INPP4B: variants seen among roughly 807,000 people sequenced by gnomAD.
INPP4B encodes inositol polyphosphate 4-phosphatase type II.
A neutral mutation model predicts 122.5 loss-of-function variants in INPP4B; 55 were observed. That is an observed-to-expected ratio of 0.45 (90% CI 0.36 to 0.56). The LOEUF is 0.56. INPP4B is among the 20% of genes least tolerant of loss of function. INPP4B has a pLI of 0.00. For synonymous variants in INPP4B, 403 were observed against 388.7 expected (o/e 1.04, Z -0.43); for missense variants, 1,000 against 1,097.7 (o/e 0.91, Z 1.26).
chr4:142,244,803 C>A (rs1221353892), intron 11 of INPP4B, among the ~76,000 whole-genome samples: 1 of 152,176 alleles, frequency 6.6e-6, no homozygotes, highest in Non-Finnish European at 1.5e-5. Context: ...GGAATCTCCA[C>A]ACTGTCTTCT....
intron 18 of INPP4B, among the ~76,000 whole-genome samples, chr4:142,144,620 G>C (rs1364382834): frequency 6.6e-6 from 1 of 151,954 alleles, no homozygotes; most frequent in East Asian, 1.9e-4. Context: ...TGTTAAAAAA[G>C]AAAATCCCTA....
intron 1 of INPP4B, among the ~76,000 whole-genome samples, chr4:142,796,755 G>A (rs1292764168): frequency 1.3e-5 from 2 of 151,930 alleles, no homozygotes; most frequent in Non-Finnish European, 1.5e-5. Flanking sequence ...CAGCCTTAGA[G>A]GAAGGTTTCT....
chr4:142,208,938 T>C lies in INPP4B; in HGVS notation c.925A>G (p.Asn309Asp). ...NVLTHCDQMVNMYQDILTELS... is the reference protein window; with the variant it reads ...NVLTHCDQMVDMYQDILTELS... ...TCTGTCAGAATGTCTTGGTACATAT[T>C]CACCATTTGATCACAGTGAGTAAGG... Residue 309 changes from asparagine to aspartate, a missense_variant, in exon 13 of 26, where the codon AAT becomes GAT. Coordinates refer to ENST00000262992, the MANE Select transcript of INPP4B (RefSeq NM_001101669.3). 1.2e-6 allele frequency: 2 copies of C among 1,601,900 alleles called. No homozygotes were observed. The highest frequency in any genetic ancestry group is 1.7e-6 in the Non-Finnish European group (2 of 1,172,330).
chr4:142,722,125 A>T (rs1764769853), intron 2 of INPP4B, among the ~76,000 whole-genome samples: 1 of 152,196 alleles, frequency 6.6e-6, no homozygotes, highest in Admixed American at 6.5e-5. Context: ...ACACACATAT[A>T]CATATGTATA....
chr4:142,400,440 T>A (rs1430081759), intron 7 of INPP4B, among the ~76,000 whole-genome samples: 2 of 152,212 alleles, frequency 1.3e-5, no homozygotes, highest in African/African-American at 4.8e-5. Context: ...TATATTTAGG[T>A]TAAGTGCTTA....
intron 4 of INPP4B, 44 bp from the exon 5 acceptor site, chr4:142,429,261 T>C: frequency 1.0e-6 from 1 of 982,188 alleles, no homozygotes; most frequent in Non-Finnish European, 1.6e-6. Context: ...AAAATTGAAT[T>C]ATCAAGAATA....
At chr4:142,321,714 T>C (rs1050458184) in intron 7 of INPP4B, among the ~76,000 whole-genome samples, 1 of 152,152 alleles carries the variant, frequency 6.6e-6, no homozygotes, top group African/African-American at 2.4e-5. Context: ...GTTTCCCTAC[T>C]TTTGCCTGCT....
intron 3 of INPP4B, among the ~76,000 whole-genome samples, chr4:142,445,495 T>A (rs192791098): frequency 2.7e-4 from 41 of 152,296 alleles, no homozygotes; most frequent in Admixed American, 2.1e-3. Context: ...TATAAAATGG[T>A]TAATTCATCA....
chr4:142,207,737 TA>T (rs1460865151), intron 14 of INPP4B, among the ~76,000 whole-genome samples: 1 of 152,156 alleles, frequency 6.6e-6, no homozygotes, highest in African/African-American at 2.4e-5. Context: ...ATAGTCATCC[TA>T]AATTTGCATA....
At chr4:142,544,119 GGTGTGTGTGTGGTGTGT>G (rs201954214) in intron 2 of INPP4B, among the ~76,000 whole-genome samples, 941 of 5,034 alleles carry the variant, frequency 0.19, 8 homozygotes, top group South Asian at 0.47. Flanking sequence ...AATACTGCAT[GGTGTGTGTGTGGTGTGT>G]GTGTGTGTGT....
chr4:142,303,543 A>T (rs2151160735), intron 9 of INPP4B, among the ~76,000 whole-genome samples: 1 of 152,280 alleles, frequency 6.6e-6, no homozygotes, highest in East Asian at 1.9e-4. Flanking sequence ...GTGGAAAGAA[A>T]ATAAATTACA....
intron 1 of INPP4B, among the ~76,000 whole-genome samples, chr4:142,838,722 A>G (rs564619560): frequency 1.2e-4 from 19 of 152,344 alleles, no homozygotes; most frequent in South Asian, 6.2e-4. Flanking sequence ...TAGATACTCA[A>G]TGTCACAAAG....
intron 3 of INPP4B, among the ~76,000 whole-genome samples, chr4:142,460,396 G>A (rs924257386): frequency 4.2e-4 from 64 of 152,240 alleles, no homozygotes; most frequent in African/African-American, 1.5e-3. Context: ...AAACAGTAAA[G>A]TTCAATTTGG....
chr4:142,325,451 T>C (rs755511458), intron 7 of INPP4B, among the ~76,000 whole-genome samples: 16 of 152,190 alleles, frequency 1.1e-4, no homozygotes, highest in Non-Finnish European at 2.1e-4. Context: ...ACAATCCCAA[T>C]TAACCAACTT....
chr4:142,145,708 C>G (rs1055557295), intron 18 of INPP4B, 132 bp downstream of exon 18: 1 of 811,568 alleles, frequency 1.2e-6, no homozygotes, highest in Non-Finnish European at 2.0e-6. Context: ...CAAGCCAGAG[C>G]AGTGGAAAAG....
chr4:142,761,973 G>T (rs990258424), intron 1 of INPP4B, among the ~76,000 whole-genome samples: 1 of 152,090 alleles, frequency 6.6e-6, no homozygotes, highest in Non-Finnish European at 1.5e-5. Flanking sequence ...TGATCTTCTA[G>T]AGTCAATATG....
intron 1 of INPP4B, among the ~76,000 whole-genome samples, chr4:142,738,585 G>C (rs1767406165): frequency 6.6e-6 from 1 of 150,794 alleles, no homozygotes; most frequent in East Asian, 2.0e-4. Flanking sequence ...GTTGTGCACT[G>C]TACCCTAAAA....
intron 2 of INPP4B, among the ~76,000 whole-genome samples, chr4:142,580,677 C>T (rs1734874543): frequency 6.6e-6 from 1 of 151,998 alleles, no homozygotes; most frequent in Non-Finnish European, 1.5e-5. Context: ...TTCTCATTAG[C>T]TTCACCTCCA....
rs1046356321 is a variant in INPP4B at position 142,379,128 on chromosome 4, A to G, written c.372+23810T>C. Among the ~76,000 whole-genome samples, 7 of 152,296 alleles carry G rather than the reference A, an allele frequency of 4.6e-5. No individual in the cohort carries two copies. The South Asian group carries it at 8.3e-4, about 18-fold the overall frequency. ...CCAAAATGGCAATTTTTTAAAAATCAGTACATTACATAAAATTTAAATATC... is the reference window on the plus strand; with the variant it reads ...CCAAAATGGCAATTTTTTAAAAATCGGTACATTACATAAAATTTAAATATC... On this transcript the variant is annotated intron_variant, in intron 7 of 25. Transcript: ENST00000262992.
Sources: gnomAD v4.1 joint callset for allele counts (sites outside exome capture counted in the v4.1 genomes callset) on GRCh38, gnomAD v4.1.1 for gene constraint, MANE v1.5 for transcripts, NCBI Gene and HGNC (gene_info 2026-07-23, HGNC 2026-07-21) for gene names.